Variants in CYRIB observed in about 807,000 individuals in gnomAD.
The protein encoded by CYRIB is CYFIP related Rac1 interactor B.
A neutral mutation model predicts 44.2 loss-of-function variants in CYRIB; 8 were observed. That is an observed-to-expected ratio of 0.18 (90% CI 0.11 to 0.33). CYRIB has a LOEUF of 0.33. CYRIB is among the 10% of genes least tolerant of loss of function. CYRIB has a pLI of 1.00. For missense variants in CYRIB, 185 were observed against 382.8 expected, an observed-to-expected ratio of 0.48 and a Z score of 4.31; for synonymous variants, 131 against 127.2, an observed-to-expected ratio of 1.03 and a Z score of -0.20.
intron 11 of CYRIB, among the ~76,000 whole-genome samples, chr8:129,845,308 G>C (rs1586833880): frequency 6.6e-6 from 1 of 152,146 alleles, no homozygotes; most frequent in African/African-American, 2.4e-5. Context: ...CAAAGAGCCT[G>C]ACCAATCAGA....
intron 1 of CYRIB, among the ~76,000 whole-genome samples, chr8:129,905,208 T>TTGAC (rs2074611552): frequency 6.6e-6 from 1 of 150,876 alleles, no homozygotes; most frequent in Admixed American, 6.6e-5. Context: ...GCTGGATTGA[T>TTGAC]TGATTGATTG....
intron 1 of CYRIB, among the ~76,000 whole-genome samples, chr8:129,972,170 C>A (rs749132686): frequency 1.3e-5 from 2 of 152,210 alleles, no homozygotes; most frequent in Non-Finnish European, 2.9e-5. Context: ...TCAGCCACTT[C>A]GGCTGCTTTT....
At chr8:129,878,662 A>G (rs990977052) in intron 3 of CYRIB, among the ~76,000 whole-genome samples, 1 of 152,210 alleles carries the variant, frequency 6.6e-6, no homozygotes, top group Non-Finnish European at 1.5e-5. Context: ...AGCGATATCA[A>G]CAGCCAAAAA....
intron 8 of CYRIB, chr8:129,851,936 G>C (rs2043471768): frequency 5.3e-6 from 2 of 380,420 alleles, no homozygotes; most frequent in Admixed American, 4.5e-5. Flanking sequence ...GTTTGGTTTG[G>C]CCATGCCATC....
intron 1 of CYRIB, among the ~76,000 whole-genome samples, chr8:129,916,828 T>C (rs2081039455): frequency 6.6e-6 from 1 of 152,248 alleles, no homozygotes; most frequent in Non-Finnish European, 1.5e-5. Context: ...AGTGCTTAAG[T>C]ATTTTACAAC....
chr8:129,903,756 A>C (rs1195825810), intron 1 of CYRIB, among the ~76,000 whole-genome samples: 5 of 152,362 alleles, frequency 3.3e-5, no homozygotes, highest in Admixed American at 1.3e-4. Flanking sequence ...TTCTTATCAC[A>C]GTTTAAGTTC....
chr8:129,966,627 C>A (rs2095489810), intron 2 of CYRIB, among the ~76,000 whole-genome samples: 1 of 152,142 alleles, frequency 6.6e-6, no homozygotes, highest in Non-Finnish European at 1.5e-5. Flanking sequence ...CTTTGGGAGG[C>A]CAAGGCAGGA....
At chr8:129,994,721 A>G (rs1273013966) in intron 1 of CYRIB, among the ~76,000 whole-genome samples, 3 of 152,248 alleles carry the variant, frequency 2.0e-5, no homozygotes, top group Non-Finnish European at 4.4e-5. Context: ...AGCTATGACT[A>G]TTTTATGGAA....
chr8:129,897,107 T>C (rs1313108413), intron 2 of CYRIB, among the ~76,000 whole-genome samples: 1 of 152,120 alleles, frequency 6.6e-6, no homozygotes. Flanking sequence ...TTATATCCCA[T>C]TACCAATAAA....
intron 2 of CYRIB, among the ~76,000 whole-genome samples, chr8:129,970,309 G>T (rs1564506369): frequency 6.6e-6 from 1 of 152,140 alleles, no homozygotes; most frequent in East Asian, 1.9e-4. Flanking sequence ...AAGTAGAAAA[G>T]GGAAGTGCAC....
intron 1 of CYRIB, among the ~76,000 whole-genome samples, chr8:129,987,000 T>A (rs986113023): frequency 6.6e-6 from 1 of 152,274 alleles, no homozygotes; most frequent in African/African-American, 2.4e-5. Context: ...TGCAGCCATA[T>A]GCCCCTAACT....
intron 1 of CYRIB, among the ~76,000 whole-genome samples, chr8:129,937,682 C>G (rs1321019098): frequency 6.6e-6 from 1 of 152,184 alleles, no homozygotes; most frequent in Non-Finnish European, 1.5e-5. Flanking sequence ...TTACTAACCA[C>G]GCCTCCCTCT....
chr8:129,991,963 A>G (rs1256214177), intron 1 of CYRIB, among the ~76,000 whole-genome samples: 3 of 147,098 alleles, frequency 2.0e-5, no homozygotes, highest in Admixed American at 6.8e-5. Context: ...AAAAAAAAAA[A>G]AAAAAAAAAC....
intron 1 of CYRIB, among the ~76,000 whole-genome samples, chr8:129,904,014 A>G (rs2073851039): frequency 6.6e-6 from 1 of 152,196 alleles, no homozygotes; most frequent in African/African-American, 2.4e-5. Context: ...TTGGCCTCCC[A>G]TAGTGCTGGG....
intron 1 of CYRIB, among the ~76,000 whole-genome samples, chr8:130,003,941 G>A (rs540072163): frequency 2.6e-4 from 40 of 152,216 alleles, no homozygotes; most frequent in Admixed American, 4.6e-4. Flanking sequence ...GATTTGAGAC[G>A]TGCAGGAACA....
intron 5 of CYRIB, among the ~76,000 whole-genome samples, chr8:129,860,181 C>A (rs1224206078): frequency 1.3e-5 from 2 of 152,224 alleles, no homozygotes; most frequent in South Asian, 2.1e-4. Flanking sequence ...TGATGGGACA[C>A]ACACCACGAG....
At chr8:129,908,853 T>C (rs1478131456) in intron 1 of CYRIB, among the ~76,000 whole-genome samples, 1 of 152,140 alleles carries the variant, frequency 6.6e-6, no homozygotes, top group East Asian at 1.9e-4. Context: ...TAAAAACAAA[T>C]ACCAAGGCAT....
intron 6 of CYRIB, among the ~76,000 whole-genome samples, chr8:129,855,409 T>C (rs146612175): frequency 1.3e-5 from 2 of 150,890 alleles, no homozygotes; most frequent in East Asian, 3.9e-4. Flanking sequence ...AAAAAAAAGA[T>C]TGAGACCGAA....
intron 1 of CYRIB, among the ~76,000 whole-genome samples, chr8:129,930,379 A>ATATATATATATTTTTTTTTT (rs971468534): frequency 2.3e-5 from 3 of 130,136 alleles, no homozygotes; most frequent in African/African-American, 8.5e-5. Context: ...ATATATATAT[A>ATATATATATATTTTTTTTTT]TTTTAATTAT....
Sources: gnomAD v4.1 joint callset for allele counts (sites outside exome capture counted in the v4.1 genomes callset) on GRCh38, gnomAD v4.1.1 for gene constraint, MANE v1.5 for transcripts, NCBI Gene and HGNC (gene_info 2026-07-23, HGNC 2026-07-21) for gene names.